PIP5K1B: variants seen among roughly 807,000 people sequenced by gnomAD.
PIP5K1B encodes the protein phosphatidylinositol 4-phosphate 5-kinase type-1 beta.
In PIP5K1B, 42 loss-of-function variants were observed where a neutral mutation model predicts 67.0. That is an observed-to-expected ratio of 0.63 (90% confidence interval 0.49 to 0.81). The LOEUF (loss-of-function observed/expected upper bound fraction) is 0.81. Among genes scored for constraint, PIP5K1B ranks in the 30% least tolerant of loss-of-function variants. The pLI is 0.00. For synonymous variants in PIP5K1B, 214 were observed against 231.4 expected, an observed-to-expected ratio of 0.92 and a Z score of 0.68; for missense variants, 459 against 646.3, an observed-to-expected ratio of 0.71 and a Z score of 3.14.
At chr9:68,914,607 C>G (rs1329339356) in intron 8 of PIP5K1B, among the ~76,000 whole-genome samples, 3 of 151,898 alleles carry the variant, frequency 2.0e-5, no homozygotes, top group South Asian at 2.1e-4. Context: ...CCCAGCTACT[C>G]GGGAGGCTGA....
intron 11 of PIP5K1B, among the ~76,000 whole-genome samples, chr9:68,922,757 A>G (rs12351519): frequency 0.11 from 16,782 of 152,198 alleles, 2,114 homozygotes; most frequent in African/African-American, 0.31. Context: ...AGATAATTCA[A>G]TGCAAAGGAG....
At chr9:68,932,930 G>A (rs909163305) in intron 12 of PIP5K1B, among the ~76,000 whole-genome samples, 9 of 151,864 alleles carry the variant, frequency 5.9e-5, no homozygotes, top group African/African-American at 1.2e-4. Context: ...GAGAAACCCC[G>A]TCTCTACTAA....
intron 6 of PIP5K1B, among the ~76,000 whole-genome samples, chr9:68,886,344 A>G (rs1564206408): frequency 6.6e-6 from 1 of 152,208 alleles, no homozygotes; most frequent in Non-Finnish European, 1.5e-5. Context: ...TGAGCTTAAT[A>G]AAACCAAAAA....
rs1233942137 is a variant in PIP5K1B, at chr9:68,935,042, G to A, written c.1354G>A (p.Glu452Lys). 6.2e-7 allele frequency: 1 copy of A among 1,612,026 alleles called. No homozygotes were observed. The highest frequency in any genetic ancestry group is 1.7e-5 in the Admixed American group (1 of 59,732). The change falls in exon 13 of 16, where the codon GAA (glutamate) becomes AAA (lysine). Residue 452 changes from glutamate to lysine, a missense_variant. Glu to Lys is a moderately conservative substitution (Grantham distance 56). Around this residue, in one of 2 missense-constraint regions of PIP5K1B, gnomAD observed 169 missense variants for 171.9 expected, o/e 0.98. Coordinates refer to ENST00000265382, the MANE Select transcript of PIP5K1B (RefSeq NM_003558.4). ...ACAAAGTTTTAGCAGCCTTGATGAA[G>A]AAGGTAAAGATATGTAACTTTTTTA... is the stretch of plus-strand genomic sequence containing the variant. ...EGQSFSSLDE[E>K]ALGSRHRPDL...
chr9:68,790,127 A>G (rs1044422546), intron 2 of PIP5K1B, among the ~76,000 whole-genome samples: 24 of 152,200 alleles, frequency 1.6e-4, no homozygotes, highest in African/African-American at 5.8e-4. Flanking sequence ...TTTAAAGGAA[A>G]AATGTAACAC....
At chr9:68,939,641 C>A (rs751536808) in intron 13 of PIP5K1B, among the ~76,000 whole-genome samples, 1 of 152,192 alleles carries the variant, frequency 6.6e-6, no homozygotes, top group East Asian at 1.9e-4. Flanking sequence ...CAGAGCTCCA[C>A]CACCCCAGTG....
In PIP5K1B at chr9:68,928,961, G is replaced by C. The variant is rs113606930; in HGVS notation, c.1201+5575G>C. ...GGGCGGATCACGAGGTCAGGAGTTC[G>C]AGACCAGCCTGACCAACGTGGTGAA... On this transcript the variant is annotated intron_variant, in intron 12 of 15. Transcript: ENST00000265382. Among the ~76,000 whole-genome samples the C allele has an allele frequency of 4.1e-4, 63 of 152,160 alleles. 1 individual carries two copies. Among genetic ancestry groups the C allele is most frequent in the African/African-American group, 1.4e-3 (58 of 41,516 alleles).
intron 2 of PIP5K1B, among the ~76,000 whole-genome samples, chr9:68,772,112 A>G (rs1830694864): frequency 1.3e-5 from 2 of 152,184 alleles, no homozygotes; most frequent in African/African-American, 4.8e-5. Flanking sequence ...GTCACCTTCT[A>G]AAACCAAAAA....
chr9:68,722,552 CT>C (rs987515606), intron 1 of PIP5K1B, among the ~76,000 whole-genome samples: 11 of 151,176 alleles, frequency 7.3e-5, no homozygotes, highest in African/African-American at 1.2e-4. Flanking sequence ...GCTCCTGCTA[CT>C]TTTTTTTTCC....
At chr9:69,005,230 A>T (rs1460025226) in intron 15 of PIP5K1B, among the ~76,000 whole-genome samples, 1 of 152,164 alleles carries the variant, frequency 6.6e-6, no homozygotes, top group Non-Finnish European at 1.5e-5. Context: ...TTATTATTAT[A>T]AGACCCTGTG....
chr9:68,914,560 A>G (rs1826003682), intron 8 of PIP5K1B, among the ~76,000 whole-genome samples: 1 of 152,006 alleles, frequency 6.6e-6, no homozygotes, highest in African/African-American at 2.4e-5. Flanking sequence ...CTAAAAATAC[A>G]AAAAATTAGC....
intron 12 of PIP5K1B, among the ~76,000 whole-genome samples, chr9:68,929,407 G>A (rs1826879972): frequency 6.6e-6 from 1 of 152,008 alleles, no homozygotes; most frequent in Non-Finnish European, 1.5e-5. Flanking sequence ...CCTTCTATCT[G>A]CTCATTCTCA....
chr9:68,722,726 A>G (rs1827950582), intron 1 of PIP5K1B, among the ~76,000 whole-genome samples: 1 of 151,848 alleles, frequency 6.6e-6, no homozygotes, highest in African/African-American at 2.4e-5. Flanking sequence ...GGTACTTGTG[A>G]TATTTTGATA....
chr9:68,872,630 C>T (rs73646775), intron 5 of PIP5K1B, among the ~76,000 whole-genome samples: 4,245 of 152,178 alleles, frequency 0.028, 192 homozygotes, highest in African/African-American at 0.096. Flanking sequence ...TTTTCAGTGT[C>T]CAGCTCCAGT....
intron 14 of PIP5K1B, among the ~76,000 whole-genome samples, chr9:68,967,531 A>G (rs181042264): frequency 6.6e-6 from 1 of 152,336 alleles, no homozygotes; most frequent in East Asian, 1.9e-4. Flanking sequence ...AAAAACCTCA[A>G]CTACCAAGCC....
At chr9:68,980,098 C>T (rs17059920) in intron 14 of PIP5K1B, among the ~76,000 whole-genome samples, 16,280 of 152,204 alleles carry the variant, frequency 0.11, 1,045 homozygotes, top group East Asian at 0.3. Flanking sequence ...CTGGCAGGAG[C>T]ATGAGATGTG....
intron 14 of PIP5K1B, among the ~76,000 whole-genome samples, chr9:68,981,473 AGGGTGGGGGT>A (rs1279908458): frequency 5.9e-4 from 4 of 6,756 alleles, no homozygotes; most frequent in African/African-American, 2.1e-3. Context: ...GGAATGGCGG[AGGGTGGGGGT>A]GGGGAGGGCA....
Position 68,829,592 on chromosome 9 carries a change from C to T in PIP5K1B, c.69+6909C>T, listed in dbSNP as rs147423640. Among the ~76,000 whole-genome samples the T allele has an allele frequency of 6.4e-3, 977 of 152,252 alleles. 10 individuals are homozygous for T. Among genetic ancestry groups the T allele is most frequent in the African/African-American group, 0.023 (939 of 41,538 alleles). On this transcript the variant is annotated intron_variant, in intron 4 of 15. Coordinates refer to ENST00000265382, the MANE Select transcript of PIP5K1B (RefSeq NM_003558.4). ...CCCCCAAAACAAAGAATTATCTAAA[C>T]GTTGTTAGTGCCAAGGCTGAGAAGC... is the stretch of plus-strand genomic sequence containing the variant.
At chr9:68,824,937 G>A (rs146507964) in intron 4 of PIP5K1B, among the ~76,000 whole-genome samples, 1 of 152,270 alleles carries the variant, frequency 6.6e-6, no homozygotes, top group African/African-American at 2.4e-5. Context: ...ATGAATTTCA[G>A]AATGGGAAAA....
Sources: allele counts gnomAD v4.1 joint callset (sites outside exome capture counted in the v4.1 genomes callset), GRCh38; gene constraint gnomAD v4.1.1; regional missense constraint gnomAD v4.1.1; transcripts MANE v1.5; gene names NCBI Gene and HGNC (gene_info 2026-07-23, HGNC 2026-07-21).